SLC24A3: variants seen among roughly 807,000 people sequenced by gnomAD.
SLC24A3 encodes the protein sodium/potassium/calcium exchanger 3.
A neutral mutation model predicts 75.8 loss-of-function variants in SLC24A3; 28 were observed. The ratio of observed to expected loss-of-function variants is 0.37; its 90% CI spans 0.27 to 0.51. The LOEUF (loss-of-function observed/expected upper bound fraction) is 0.51, where lower values mean the gene tolerates loss of function less well. Among genes scored for constraint, SLC24A3 ranks in the 20% least tolerant of loss-of-function variants. SLC24A3 has a pLI of 0.94. For synonymous variants in SLC24A3, 372 were observed against 334.1 expected (o/e 1.11, Z -1.24); for missense variants, 663 against 847.8 (o/e 0.78, Z 2.71).
chr20:19,500,033 G>A (rs1446850723), intron 2 of SLC24A3, among the ~76,000 whole-genome samples: 2 of 152,190 alleles, frequency 1.3e-5, no homozygotes, highest in South Asian at 2.1e-4. Flanking sequence ...CATGGTGGAT[G>A]TAGCGACTCT....
chr20:19,620,329 G>A (rs1482643492), intron 6 of SLC24A3, among the ~76,000 whole-genome samples: 2 of 152,134 alleles, frequency 1.3e-5, no homozygotes, highest in Non-Finnish European at 2.9e-5. Context: ...TCTTTTTTGG[G>A]GGGGAAAGCT....
intron 1 of SLC24A3, among the ~76,000 whole-genome samples, chr20:19,270,338 A>G (rs1051473258): frequency 1.3e-5 from 2 of 152,152 alleles, no homozygotes; most frequent in African/African-American, 4.8e-5. Context: ...CATTTTAAGA[A>G]GGTCCCTACA....
chr20:19,638,999 A>C (rs1024030387), intron 6 of SLC24A3, among the ~76,000 whole-genome samples: 3 of 152,188 alleles, frequency 2.0e-5, no homozygotes, highest in Non-Finnish European at 2.9e-5. Context: ...ACACTGTGGA[A>C]GGGGACCCCA....
chr20:19,395,274 T>TAACCTGTTAA (rs1986434880), intron 2 of SLC24A3, among the ~76,000 whole-genome samples: 1 of 152,196 alleles, frequency 6.6e-6, no homozygotes, highest in African/African-American at 2.4e-5. Flanking sequence ...CACAAAAATG[T>TAACCTGTTAA]GCGTATACTT....
At chr20:19,576,705 C>T (rs971576090) in intron 3 of SLC24A3, among the ~76,000 whole-genome samples, 2 of 152,172 alleles carry the variant, frequency 1.3e-5, no homozygotes, top group African/African-American at 4.8e-5. Flanking sequence ...GTGGATACAA[C>T]AGTGTGTTAG....
chr20:19,414,704 A>G (rs1986798334), intron 2 of SLC24A3, among the ~76,000 whole-genome samples: 1 of 152,176 alleles, frequency 6.6e-6, no homozygotes, highest in African/African-American at 2.4e-5. Context: ...CAGAAAGGGT[A>G]TCTTTTCCTC....
intron 2 of SLC24A3, among the ~76,000 whole-genome samples, chr20:19,318,289 C>G (rs904522102): frequency 1.3e-5 from 2 of 152,210 alleles, no homozygotes; most frequent in Admixed American, 6.5e-5. Context: ...ATACATTACT[C>G]TCAGTGTCTG....
intron 2 of SLC24A3, among the ~76,000 whole-genome samples, chr20:19,440,657 T>G (rs1008466366): frequency 8.6e-5 from 13 of 151,900 alleles, no homozygotes; most frequent in African/African-American, 1.2e-4. Flanking sequence ...TTTTTTTTTT[T>G]TTTTTTTTTT....
intron 3 of SLC24A3, among the ~76,000 whole-genome samples, chr20:19,536,194 A>G (rs1453960173): frequency 6.6e-6 from 1 of 152,178 alleles, no homozygotes; most frequent in African/African-American, 2.4e-5. Context: ...AAGTGAGTCT[A>G]AATTTCTCTC....
At chr20:19,560,641 C>A (rs1360139324) in intron 3 of SLC24A3, among the ~76,000 whole-genome samples, 1 of 152,190 alleles carries the variant, frequency 6.6e-6, no homozygotes, top group Non-Finnish European at 1.5e-5. Context: ...AGGTATAATT[C>A]CCTGTCTGGT....
At chr20:19,512,011 G>C (rs1290579563) in intron 2 of SLC24A3, among the ~76,000 whole-genome samples, 2 of 152,192 alleles carry the variant, frequency 1.3e-5, no homozygotes, top group African/African-American at 4.8e-5. Flanking sequence ...ATTCAACTCG[G>C]TGAGGAGGCC....
At chr20:19,418,463 A>G (rs1986862368) in intron 2 of SLC24A3, among the ~76,000 whole-genome samples, 1 of 152,102 alleles carries the variant, frequency 6.6e-6, no homozygotes. Context: ...AGTAGGGGGA[A>G]AAAAATAAGA....
At chr20:19,396,042 G>A (rs895278935) in intron 2 of SLC24A3, among the ~76,000 whole-genome samples, 2 of 152,106 alleles carry the variant, frequency 1.3e-5, no homozygotes, top group Admixed American at 6.6e-5. Flanking sequence ...TGATTACTAG[G>A]AATTACTTGT....
At chr20:19,487,433 C>A (rs1434849923) in intron 2 of SLC24A3, among the ~76,000 whole-genome samples, 1 of 152,072 alleles carries the variant, frequency 6.6e-6, no homozygotes, top group Non-Finnish European at 1.5e-5. Context: ...TTTTCCTGTA[C>A]CAGATCAGTG....
At position 19,329,720 on chromosome 20, in the gene SLC24A3, T is replaced by G. The variant is rs977513043; in HGVS notation, c.271+48633T>G. Among the ~76,000 whole-genome samples, 5 of 152,224 alleles carry G rather than the reference T, an allele frequency of 3.3e-5. No homozygotes were observed. The South Asian group carries it at 1.0e-3, about 31-fold the overall frequency. ...CCTTCTGAATCTTCTGCCCCAGAAA[T>G]ATTTTTCCCCCTTCATAGCTAAGTG... On this transcript the variant is annotated intron_variant, in intron 2 of 16. Transcript: ENST00000328041.
intron 2 of SLC24A3, among the ~76,000 whole-genome samples, chr20:19,360,709 G>A (rs972290410): frequency 5.9e-5 from 9 of 152,216 alleles, no homozygotes; most frequent in African/African-American, 1.9e-4. Flanking sequence ...CAACATCTCA[G>A]CAATGTCTAG....
intron 2 of SLC24A3, among the ~76,000 whole-genome samples, chr20:19,470,226 C>T (rs910617170): frequency 1.3e-5 from 2 of 152,182 alleles, no homozygotes; most frequent in African/African-American, 4.8e-5. Context: ...GCTGTACAAC[C>T]ACTCAATGTG....
intron 2 of SLC24A3, among the ~76,000 whole-genome samples, chr20:19,474,278 G>A (rs1324143813): frequency 2.6e-5 from 4 of 152,322 alleles, no homozygotes; most frequent in African/African-American, 4.8e-5. Context: ...GTCCCCCGGG[G>A]CTCCCCCACT....
Position 19,584,852 on chromosome 20 carries a change from C to T in SLC24A3, c.424-119C>T, listed in dbSNP as rs575741538. Reference sequence around the variant, plus strand: ...GTACCAGCCCCAGGTCCCATCGGTCCTACTCTCGCTGAAGCCCCAGTCTTT... The same window carrying T: ...GTACCAGCCCCAGGTCCCATCGGTCTTACTCTCGCTGAAGCCCCAGTCTTT... On this transcript the variant is annotated intron_variant, in intron 4 of 16. Coordinates refer to ENST00000328041, the MANE Select transcript of SLC24A3 (RefSeq NM_020689.4). 16 of 822,814 alleles carry T rather than the reference C, an allele frequency of 1.9e-5. No homozygotes were observed. In the South Asian group the frequency reaches 2.5e-4, roughly 13 times the overall value. The allele number at this position is 822,814 out of a possible 1,614,324, so 51.0% of individuals were successfully genotyped here. A position where few individuals can be genotyped will look rare whatever the true frequency, so the allele number is the denominator to read the frequency against.
Sources: allele counts gnomAD v4.1 joint callset (sites outside exome capture counted in the v4.1 genomes callset), GRCh38; gene constraint gnomAD v4.1.1; transcripts MANE v1.5; gene names NCBI Gene and HGNC (gene_info 2026-07-23, HGNC 2026-07-21).